CAPN3: variants seen among roughly 807,000 people sequenced by gnomAD.
The protein encoded by CAPN3 is calpain 3.
CAPN3 carries 88 observed loss-of-function variants against 114.0 expected under a neutral mutation model. The observed-to-expected ratio is 0.77, with a 90% CI of 0.65 to 0.92. The LOEUF is 0.92. Ranked by LOEUF, CAPN3 falls within the 40% of genes least tolerant of loss-of-function variation. The probability of loss-of-function intolerance (pLI) is 0.00; values close to 1 mark genes in which losing one functional copy is unlikely to be tolerated. For missense variants in CAPN3, 1,028 were observed against 1,069.0 expected (o/e 0.96, Z 0.53); for synonymous variants, 386 against 382.9 (o/e 1.01, Z -0.09).
rs148851444 is a variant in CAPN3 at position 42,410,620 on chromosome 15, C to G, written c.2217C>G (p.Ser739=). The G allele has an allele frequency of 1.2e-6, 2 of 1,613,936 alleles. No individual in the cohort carries two copies. Among genetic ancestry groups the G allele is most frequent in the South Asian group, 2.2e-5 (2 of 91,064 alleles). Residue 739 remains serine, a synonymous_variant, in exon 21 of 24, where the codon TCC becomes TCG. Transcript: ENST00000397163. The part of the protein sequence containing the change: ...KIFKHYDTDQ[S]GTINSYEMRN... ...TCAAACACTATGACACAGACCAGTC[C>G]GGCACCATCAACAGCTACGAGATGC...
chr15:42,398,500 C>T (rs2053763910), intron 9 of CAPN3, among the ~76,000 whole-genome samples: 1 of 151,484 alleles, frequency 6.6e-6, no homozygotes, highest in South Asian at 2.1e-4. Context: ...AGGAGAATCC[C>T]TTGACCTCAG....
intron 1 of CAPN3, among the ~76,000 whole-genome samples, chr15:42,372,918 G>A (rs1443513123): frequency 6.6e-6 from 1 of 152,070 alleles, no homozygotes; most frequent in East Asian, 1.9e-4. Context: ...ACCAGCCACG[G>A]TGGCTCACAC....
chr15:42,363,027 A>G (rs991880623), intron 1 of CAPN3, among the ~76,000 whole-genome samples: 4 of 152,256 alleles, frequency 2.6e-5, no homozygotes, highest in African/African-American at 9.6e-5. Flanking sequence ...AATGATAATA[A>G]TGATAAAGGG....
intron 1 of CAPN3, among the ~76,000 whole-genome samples, chr15:42,375,040 G>A (rs891088355): frequency 7.2e-6 from 1 of 139,248 alleles, no homozygotes; most frequent in African/African-American, 2.5e-5. Flanking sequence ...TATTTATAGA[G>A]ATGGGGCCTC....
intron 3 of CAPN3, among the ~76,000 whole-genome samples, chr15:42,387,197 A>C (rs1351140495): frequency 2.0e-5 from 3 of 152,238 alleles, no homozygotes; most frequent in Non-Finnish European, 4.4e-5. Context: ...GGCCCTTTTC[A>C]GTTCAAACTG....
intron 1 of CAPN3, among the ~76,000 whole-genome samples, chr15:42,378,269 G>T (rs867773252): frequency 6.6e-6 from 1 of 152,158 alleles, no homozygotes; most frequent in South Asian, 2.1e-4. Flanking sequence ...CTATCCTGCC[G>T]TGAGTGATCA....
chr15:42,369,870 CTTTTTTTT>C lies in CAPN3; in HGVS notation c.309+9767_309+9774del, dbSNP rs748584513. The stretch of plus-strand genomic sequence containing the variant: ...GCATCAGCACTTTCTTTCTTTCTTT[CTTTTTTTT>C]TTTTTTTTTTGAGACAGAGTCTTTA... On this transcript the variant is annotated intron_variant, in intron 1 of 23. Transcript: ENST00000397163. Among the ~76,000 whole-genome samples the C allele has an allele frequency of 2.4e-5, 3 of 127,042 alleles. No homozygotes were observed. The South Asian group carries it at 7.5e-4, about 32-fold the overall frequency. 83.3% of individuals were successfully genotyped at this position (127,042 alleles called of 152,430 possible).
intron 8 of CAPN3, 129 bp downstream of exon 8, chr15:42,394,470 G>A (rs2053640031): frequency 2.6e-6 from 2 of 779,890 alleles, no homozygotes; most frequent in Non-Finnish European, 4.3e-6. Flanking sequence ...CCAATGATCC[G>A]CAGAGAAGAG....
At chr15:42,411,691 G>GA (rs1277928891) in intron 23 of CAPN3, 56 bp from the exon 24 acceptor site, 2 of 418,808 alleles carry the variant, frequency 4.8e-6, no homozygotes, top group Non-Finnish European at 7.1e-6. Flanking sequence ...CCTAGGGCGG[G>GA]GGGGGGGGGG....
In CAPN3 at chr15:42,409,999, T is replaced by G. The variant is rs752436906; in HGVS notation, c.2115+4T>G. ...TAGCATGATTGCGCTCATGGATGTA[T>G]CCTTCCTGCCGCCCCTTCCCGACCC... On this transcript the variant is annotated splice_donor_region_variant and intron_variant, in intron 19 of 23. Coordinates refer to ENST00000397163, the MANE Select transcript of CAPN3 (RefSeq NM_000070.3). 1.2e-6 allele frequency: 2 copies of G among 1,611,650 alleles called. No individual in the cohort carries two copies. Among genetic ancestry groups the G allele is most frequent in the South Asian group, 2.2e-5 (2 of 90,996 alleles).
intron 1 of CAPN3, among the ~76,000 whole-genome samples, chr15:42,382,525 T>C (rs2053278408): frequency 6.6e-6 from 1 of 152,122 alleles, no homozygotes; most frequent in Non-Finnish European, 1.5e-5. Flanking sequence ...TGCGCCACCA[T>C]GTCCAACTAA....
chr15:42,411,462 G>A, intron 23 of CAPN3, 117 bp downstream of exon 23: 1 of 992,382 alleles, frequency 1.0e-6, no homozygotes, highest in East Asian at 2.4e-5. Flanking sequence ...GGAGGGAAGG[G>A]ATAGGAACAG....
intron 15 of CAPN3, among the ~76,000 whole-genome samples, chr15:42,406,517 C>T (rs1308688210): frequency 6.6e-6 from 1 of 152,062 alleles, no homozygotes; most frequent in Non-Finnish European, 1.5e-5. Context: ...TTTTTTTCCC[C>T]CCCAATTATA....
chr15:42,409,086 C>T, intron 16 of CAPN3: 1 of 591,892 alleles, frequency 1.7e-6, no homozygotes, highest in South Asian at 2.0e-5. Flanking sequence ...GCCATATCTC[C>T]TTTGGCTGGG....
chr15:42,369,959 A>G (rs8043033), intron 1 of CAPN3, among the ~76,000 whole-genome samples: 5,677 of 149,640 alleles, frequency 0.038, 302 homozygotes, highest in African/African-American at 0.12. Flanking sequence ...TGCAACATAC[A>G]TCTCCTGGGT....
intron 1 of CAPN3, among the ~76,000 whole-genome samples, chr15:42,383,652 T>A (rs1168984587): frequency 6.6e-6 from 1 of 151,764 alleles, no homozygotes; most frequent in East Asian, 1.9e-4. Flanking sequence ...TTATTTATTT[T>A]TATTAATTTA....
intron 1 of CAPN3, among the ~76,000 whole-genome samples, chr15:42,380,751 A>ATTTTTTTTTTTTTTTTTTT (rs59923448): frequency 1.6e-5 from 1 of 64,484 alleles, no homozygotes; most frequent in African/African-American, 9.0e-5. Flanking sequence ...ATATATATAT[A>ATTTTTTTTTTTTTTTTTTT]TTTTTTTTTT....
intron 3 of CAPN3, 63 bp from the exon 4 acceptor site, chr15:42,387,690 G>A: frequency 1.3e-6 from 2 of 1,596,426 alleles, no homozygotes; most frequent in Non-Finnish European, 1.7e-6. Context: ...GGAATGTGGA[G>A]GAAGGACACA....
intron 1 of CAPN3, among the ~76,000 whole-genome samples, chr15:42,368,297 G>A (rs942563904): frequency 6.6e-6 from 1 of 152,150 alleles, no homozygotes; most frequent in South Asian, 2.1e-4. Flanking sequence ...TTTTCATGAC[G>A]TCTTTAGTGC....
Sources: gnomAD v4.1 joint callset for allele counts (sites outside exome capture counted in the v4.1 genomes callset) on GRCh38, gnomAD v4.1.1 for gene constraint, MANE v1.5 for transcripts, NCBI Gene and HGNC (gene_info 2026-07-23, HGNC 2026-07-21) for gene names.